Variants in PIEZO2 observed in about 807,000 individuals in gnomAD.
The protein encoded by PIEZO2 is piezo-type mechanosensitive ion channel component 2.
In PIEZO2, 172 loss-of-function variants were observed where a neutral mutation model predicts 337.3. That is an observed-to-expected ratio of 0.51 (90% CI 0.45 to 0.58). The LOEUF (loss-of-function observed/expected upper bound fraction) is 0.58. Among genes scored for constraint, PIEZO2 ranks in the 20% least tolerant of loss-of-function variants. The pLI is 0.00. For synonymous variants in PIEZO2, 1,251 were observed against 1,228.5 expected, an observed-to-expected ratio of 1.02 and a Z score of -0.38; for missense variants, 3,028 against 3,391.3, an observed-to-expected ratio of 0.89 and a Z score of 2.66.
chr18:10,721,921 C>T (rs73385139), intron 36 of PIEZO2, among the ~76,000 whole-genome samples: 6,313 of 151,952 alleles, frequency 0.042, 436 homozygotes, highest in African/African-American at 0.14. Context: ...TTTGGGAGAC[C>T]GAGGTGGGAG....
intron 4 of PIEZO2, among the ~76,000 whole-genome samples, chr18:10,882,619 C>T (rs1279714750): frequency 6.6e-6 from 1 of 152,038 alleles, no homozygotes; most frequent in East Asian, 1.9e-4. Context: ...TCTCCTCCTT[C>T]TCCTTTCCTC....
At chr18:10,948,130 A>G (rs2033117370) in intron 3 of PIEZO2, among the ~76,000 whole-genome samples, 1 of 152,160 alleles carries the variant, frequency 6.6e-6, no homozygotes, top group South Asian at 2.1e-4. Context: ...GCACACCAAG[A>G]TTTCTAAGAC....
In PIEZO2 at chr18:10,707,944, A is replaced by G. The variant is rs2035653957; in HGVS notation, c.5588+331T>C. 6.6e-6 allele frequency among the ~76,000 whole-genome samples: 1 copy of G among 152,208 alleles called. No homozygotes were observed. Among genetic ancestry groups the G allele is most frequent in the South Asian group, 2.1e-4 (1 of 4,828 alleles). On this transcript the variant is annotated intron_variant, in intron 40 of 55. Coordinates refer to ENST00000674853, the MANE Select transcript of PIEZO2 (RefSeq NM_001378183.1). The surrounding 1 kb of genome is among the most constrained non-coding windows in gnomAD (Gnocchi z 4.2). The stretch of plus-strand genomic sequence containing the variant: ...AGTTCCCCCTTTGAGTAGTGCCCTC[A>G]GAAGCTCTAAATTATGGAGGAAACA...
chr18:10,671,643 A>C lies in PIEZO2; in HGVS notation c.8482T>G (p.Phe2828Val). The change falls in exon 56 of 56, where the codon TTT (phenylalanine) becomes GTT (valine). Residue 2828 changes from phenylalanine to valine, a missense_variant. Phe to Val is a conservative substitution (Grantham distance 50). Around this residue, in one of 5 missense-constraint regions of PIEZO2, gnomAD observed 332 missense variants for 363.8 expected, o/e 0.91. Transcript: ENST00000674853. ...AGTTCTCCTGTCTCTCGAACTAAAAAAATATCTGTGCACAACTTCAAAATT... is the reference window on the plus strand; with the variant it reads ...AGTTCTCCTGTCTCTCGAACTAAAACAATATCTGTGCACAACTTCAAAATT... Reference protein sequence around the residue: ...DRILKLCTDIFLVRETGELEL... With the variant: ...DRILKLCTDIVLVRETGELEL... The C allele has an allele frequency of 6.2e-7, 1 of 1,614,084 alleles. No homozygotes were observed. Among genetic ancestry groups the C allele is most frequent in the South Asian group, 1.1e-5 (1 of 91,084 alleles).
chr18:10,805,377 G>A (rs531488848), intron 8 of PIEZO2, among the ~76,000 whole-genome samples: 11 of 152,196 alleles, frequency 7.2e-5, no homozygotes, highest in African/African-American at 2.2e-4. Context: ...TTAGCCAGGC[G>A]TGGTGTCGGG....
chr18:11,037,576 A>T (rs2036967882), intron 2 of PIEZO2, among the ~76,000 whole-genome samples: 1 of 152,206 alleles, frequency 6.6e-6, no homozygotes, highest in African/African-American at 2.4e-5. Context: ...AGGGGTTCAG[A>T]AGAGAGAGAT....
chr18:10,802,046 A>C (rs2039838490), intron 9 of PIEZO2, among the ~76,000 whole-genome samples: 1 of 145,172 alleles, frequency 6.9e-6, no homozygotes, highest in Non-Finnish European at 1.5e-5. Flanking sequence ...AGATCCCGCC[A>C]CTGCACTCCA....
chr18:11,093,313 A>G (rs922207216), intron 1 of PIEZO2, among the ~76,000 whole-genome samples: 1 of 152,218 alleles, frequency 6.6e-6, no homozygotes, highest in Non-Finnish European at 1.5e-5. Flanking sequence ...TCTAACAGGA[A>G]TATCTTGAAG....
At chr18:10,714,670 G>C in intron 39 of PIEZO2, 94 bp downstream of exon 39, 1 of 1,408,128 alleles carries the variant, frequency 7.1e-7, no homozygotes, top group Non-Finnish European at 9.5e-7. Context: ...TGGTTTTGAT[G>C]AACTTTCACC....
intron 16 of PIEZO2, among the ~76,000 whole-genome samples, chr18:10,785,658 A>T (rs2039194756): frequency 6.6e-6 from 1 of 151,870 alleles, no homozygotes; most frequent in African/African-American, 2.4e-5. Context: ...CTTTTCTTTC[A>T]TATCTCATTC....
chr18:10,953,107 G>A lies in PIEZO2; in HGVS notation c.286+26428C>T, dbSNP rs2033370979. Among the ~76,000 whole-genome samples the A allele has an allele frequency of 6.6e-6, 1 of 151,998 alleles. No homozygotes were observed. The highest frequency in any genetic ancestry group is 2.1e-4 in the South Asian group (1 of 4,828). On this transcript the variant is annotated intron_variant, in intron 3 of 55. Transcript: ENST00000674853. The surrounding 1 kb of genome is among the most constrained non-coding windows in gnomAD (Gnocchi z 5.2). ...AAATGAGATGTTTCCTTAGTATTGAGTTTTAAGAGTTCTTCATAAATACTG... is the reference window on the plus strand; with the variant it reads ...AAATGAGATGTTTCCTTAGTATTGAATTTTAAGAGTTCTTCATAAATACTG...
chr18:10,996,158 A>C (rs917784067), intron 2 of PIEZO2, among the ~76,000 whole-genome samples: 6 of 152,234 alleles, frequency 3.9e-5, no homozygotes, highest in Non-Finnish European at 7.3e-5. Context: ...GCATAAGAAA[A>C]GGAGAAATAT....
At chr18:10,812,041 G>A (rs956275813) in intron 7 of PIEZO2, among the ~76,000 whole-genome samples, 3 of 152,210 alleles carry the variant, frequency 2.0e-5, no homozygotes, top group Admixed American at 6.5e-5. Context: ...CACCGTGTTA[G>A]CCAGGATGGT....
Position 10,759,442 on chromosome 18 carries a change from G to T in PIEZO2, c.3757+40C>A. ...GTGAACAATGATTAACAGTAAACCC[G>T]GATACCAGCACTCTGTGGCCCTGCA... On this transcript the variant is annotated intron_variant, in intron 26 of 55. Transcript: ENST00000674853. This position sits in a 1 kb window ranked among gnomAD's most constrained non-coding sequence, Gnocchi z 5.5. 6.7e-7 allele frequency: 1 copy of T among 1,482,018 alleles called. No individual in the cohort carries two copies. Among genetic ancestry groups the T allele is most frequent in the Non-Finnish European group, 9.1e-7 (1 of 1,098,280 alleles). The allele number at this position is 1,482,018 out of a possible 1,614,324, so 91.8% of individuals were successfully genotyped here.
chr18:11,029,191 C>T (rs1251187986), intron 2 of PIEZO2, among the ~76,000 whole-genome samples: 1 of 152,194 alleles, frequency 6.6e-6, no homozygotes, highest in Non-Finnish European at 1.5e-5. Context: ...TCCCTGCCAA[C>T]GCAAACACAA....
intron 1 of PIEZO2, among the ~76,000 whole-genome samples, chr18:11,074,159 T>A (rs2038445221): frequency 6.6e-6 from 1 of 152,172 alleles, no homozygotes; most frequent in South Asian, 2.1e-4. Flanking sequence ...AACTGCTTCT[T>A]TATCAAGTGT....
chr18:10,875,140 G>A (rs182274158), intron 4 of PIEZO2, among the ~76,000 whole-genome samples: 1 of 152,042 alleles, frequency 6.6e-6, no homozygotes, highest in Non-Finnish European at 1.5e-5. Flanking sequence ...TCCTGTGAAA[G>A]CTTAATTTTT....
At chr18:11,060,751 T>G (rs2037920096) in intron 2 of PIEZO2, among the ~76,000 whole-genome samples, 1 of 152,158 alleles carries the variant, frequency 6.6e-6, no homozygotes, top group Non-Finnish European at 1.5e-5. Flanking sequence ...GCTCTGAAAT[T>G]GAGGCAATAA....
chr18:10,995,221 C>T (rs1015173482), intron 2 of PIEZO2, among the ~76,000 whole-genome samples: 4 of 151,652 alleles, frequency 2.6e-5, no homozygotes, highest in African/African-American at 7.3e-5. Flanking sequence ...TTTCCCTGAT[C>T]GTTAGTGATG....
Sources: gnomAD v4.1 joint callset for allele counts (sites outside exome capture counted in the v4.1 genomes callset) on GRCh38, gnomAD v4.1.1 for gene constraint, gnomAD v4.1.1 regional missense constraint, Gnocchi (gnomAD v3.1) non-coding constraint, MANE v1.5 for transcripts, NCBI Gene and HGNC (gene_info 2026-07-23, HGNC 2026-07-21) for gene names.